The following MAP3K13 variants were observed in gnomAD, a reference collection of about 807,000 sequenced individuals.
MAP3K13 encodes leucine zipper-bearing kinase.
Under a neutral mutation model 104.0 loss-of-function variants are expected in MAP3K13, and 52 were observed. The observed-to-expected ratio is 0.50, with a 90% CI of 0.40 to 0.63. The LOEUF is 0.63. MAP3K13 is among the 20% of genes least tolerant of loss of function. The pLI, the probability that MAP3K13 is intolerant of heterozygous loss-of-function variation, is 0.00. For synonymous variants in MAP3K13, 394 were observed against 442.2 expected (o/e 0.89, Z 1.37); for missense variants, 914 against 1,218.5 (o/e 0.75, Z 3.72).
chr3:185,300,189 C>CTTTTTTTTTT (rs1273008667), intron 2 of MAP3K13, among the ~76,000 whole-genome samples: 2 of 123,422 alleles, frequency 1.6e-5, no homozygotes, highest in Non-Finnish European at 1.8e-5. Flanking sequence ...TCCTTCTTTT[C>CTTTTTTTTTT]TTTTTTTTTT....
intron 2 of MAP3K13, among the ~76,000 whole-genome samples, chr3:185,332,406 T>TA (rs1409208352): frequency 1.3e-5 from 2 of 152,238 alleles, no homozygotes; most frequent in Non-Finnish European, 2.9e-5. Flanking sequence ...TAATTGTGGT[T>TA]AAAAATCCTA....
intron 1 of MAP3K13, among the ~76,000 whole-genome samples, chr3:185,416,827 T>C (rs771525044): frequency 2.2e-4 from 33 of 151,890 alleles, no homozygotes; most frequent in Middle Eastern, 3.4e-3. Context: ...CTCACTGTGT[T>C]GCCCAGGCTG....
intron 1 of MAP3K13, among the ~76,000 whole-genome samples, chr3:185,393,204 C>G (rs1476175230): frequency 6.6e-6 from 1 of 151,404 alleles, no homozygotes; most frequent in African/African-American, 2.4e-5. Flanking sequence ...AAGTCATACA[C>G]ACATAAAATG....
intron 1 of MAP3K13, among the ~76,000 whole-genome samples, chr3:185,416,891 G>T (rs1366879920): frequency 2.0e-5 from 3 of 151,624 alleles, no homozygotes; most frequent in Admixed American, 1.3e-4. Context: ...CCAAAGTGCT[G>T]GGAGTACAGG....
chr3:185,403,199 G>A (rs182075592), intron 1 of MAP3K13, among the ~76,000 whole-genome samples: 151 of 152,304 alleles, frequency 9.9e-4, no homozygotes, highest in African/African-American at 3.6e-3. Context: ...CAGATCAGTT[G>A]AGAGTATCTG....
chr3:185,416,538 G>C (rs1325789258), intron 1 of MAP3K13, among the ~76,000 whole-genome samples: 1 of 152,040 alleles, frequency 6.6e-6, no homozygotes, highest in African/African-American at 2.4e-5. Flanking sequence ...TCTTCCTCTA[G>C]TGCCTTCTCT....
At chr3:185,355,946 T>C (rs1485598915) in intron 2 of MAP3K13, among the ~76,000 whole-genome samples, 1 of 152,200 alleles carries the variant, frequency 6.6e-6, no homozygotes, top group Non-Finnish European at 1.5e-5. Context: ...ATTACTTCCA[T>C]TTTACAGTGA....
intron 1 of MAP3K13, among the ~76,000 whole-genome samples, chr3:185,375,817 G>A (rs1304555937): frequency 4.6e-5 from 7 of 152,190 alleles, no homozygotes; most frequent in African/African-American, 1.7e-4. Flanking sequence ...CATTAATGAT[G>A]GAGGACCCTT....
intron 1 of MAP3K13, among the ~76,000 whole-genome samples, chr3:185,420,227 G>A (rs533174337): frequency 5.7e-4 from 86 of 151,598 alleles, no homozygotes; most frequent in Admixed American, 2.2e-3. Context: ...TCAAATAGGC[G>A]TTTCAGGAGA....
At position 185,384,922 on chromosome 3, in the gene MAP3K13, C is replaced by T. The variant is rs548848979; in HGVS notation, c.-86+21554C>T. On this transcript the variant is annotated intron_variant, in intron 1 of 13. Coordinates refer to ENST00000265026, the MANE Select transcript of MAP3K13 (RefSeq NM_004721.5). ...ATCTCTTCACTTGGCTGATTGTTTC[C>T]TTTGCTGTGTAGAAGTTTTTAAATT... Among the ~76,000 whole-genome samples the T allele has an allele frequency of 9.5e-4, 144 of 152,202 alleles. No homozygotes were observed. The Middle Eastern group carries it at 0.014, about 14-fold the overall frequency.
At chr3:185,300,839 A>C (rs952375020) in intron 2 of MAP3K13, among the ~76,000 whole-genome samples, 2 of 152,116 alleles carry the variant, frequency 1.3e-5, no homozygotes, top group African/African-American at 2.4e-5. Flanking sequence ...GAATATACCA[A>C]ATTTTCTTTA....
At chr3:185,459,983 C>T (rs1717004459) in intron 7 of MAP3K13, among the ~76,000 whole-genome samples, 1 of 152,136 alleles carries the variant, frequency 6.6e-6, no homozygotes, top group Admixed American at 6.6e-5. Context: ...TTCGTTTGTG[C>T]CTGGCTTGTT....
In MAP3K13 at chr3:185,466,291, A is replaced by T. The variant is rs139088475; in HGVS notation, c.1505+428A>T. On this transcript the variant is annotated intron_variant, in intron 9 of 13. Coordinates refer to ENST00000265026, the MANE Select transcript of MAP3K13 (RefSeq NM_004721.5). ...TTCTGTCATTGTATTATGTTGGGGA[A>T]ATGAAAGTGAGTATTAGTGTCTCAG... Among the ~76,000 whole-genome samples, 870 of 152,270 alleles carry T rather than the reference A, an allele frequency of 5.7e-3. 8 individuals carry two copies. The highest frequency in any genetic ancestry group is 0.019 in the African/African-American group (802 of 41,546).
At chr3:185,377,377 T>G (rs1055202246) in intron 1 of MAP3K13, among the ~76,000 whole-genome samples, 1 of 147,556 alleles carries the variant, frequency 6.8e-6, no homozygotes, top group African/African-American at 2.5e-5. Flanking sequence ...AGAGGTGTCC[T>G]ATACTTGTGG....
At chr3:185,400,905 GTT>G (rs71164506) in intron 1 of MAP3K13, among the ~76,000 whole-genome samples, 14,238 of 107,552 alleles carry the variant, frequency 0.13, 593 homozygotes, top group East Asian at 0.21. Context: ...GTGTTTGTTT[GTT>G]TTTTTTTTTT....
At chr3:185,359,945 A>G (rs954772686), upstream of MAP3K13, among the ~76,000 whole-genome samples, 1 of 151,992 alleles carries the variant, frequency 6.6e-6, no homozygotes. Context: ...TTCCTCAAAA[A>G]AAAAAAACTC....
At chr3:185,317,074 T>C (rs1325693129) in intron 2 of MAP3K13, among the ~76,000 whole-genome samples, 1 of 152,196 alleles carries the variant, frequency 6.6e-6, no homozygotes, top group Non-Finnish European at 1.5e-5. Context: ...CTCCACTCTT[T>C]CTCCATTCAC....
intron 2 of MAP3K13, among the ~76,000 whole-genome samples, chr3:185,288,504 G>A (rs1720614460): frequency 8.6e-6 from 1 of 115,918 alleles, no homozygotes; most frequent in Non-Finnish European, 1.8e-5. Flanking sequence ...TATATATAGA[G>A]AGAGAAAAAG....
chr3:185,356,485 T>C (rs950231499), intron 2 of MAP3K13, among the ~76,000 whole-genome samples: 2 of 152,334 alleles, frequency 1.3e-5, no homozygotes, highest in African/African-American at 2.4e-5. Context: ...AGATGTCCAG[T>C]GGCCTTTTTC....
Sources: allele counts gnomAD v4.1 joint callset (sites outside exome capture counted in the v4.1 genomes callset), GRCh38; gene constraint gnomAD v4.1.1; transcripts MANE v1.5; gene names NCBI Gene and HGNC (gene_info 2026-07-23, HGNC 2026-07-21).